The following PDE10A variants were observed in gnomAD, a reference collection of about 807,000 sequenced individuals.
The protein encoded by PDE10A is phosphodiesterase 10A.
A neutral mutation model predicts 97.7 loss-of-function variants in PDE10A; 39 were observed. The observed-to-expected ratio is 0.40, with a 90% confidence interval of 0.31 to 0.52. PDE10A has a LOEUF of 0.52. Among genes scored for constraint, PDE10A ranks in the 20% least tolerant of loss-of-function variants. The pLI, the probability that PDE10A is intolerant of heterozygous loss-of-function variation, is 0.56. For missense variants in PDE10A, 731 were observed against 1,047.8 expected (o/e 0.70, Z 4.17); for synonymous variants, 371 against 376.8 (o/e 0.98, Z 0.18).
At chr6:165,532,832 G>A (rs115600405) in intron 2 of PDE10A, among the ~76,000 whole-genome samples, 2,428 of 152,200 alleles carry the variant, frequency 0.016, 59 homozygotes, top group South Asian at 0.097. Context: ...TCACAGTCTT[G>A]TCTTTATAAA....
At chr6:165,794,521 C>T (rs900639456) in intron 1 of PDE10A, among the ~76,000 whole-genome samples, 6 of 151,848 alleles carry the variant, frequency 4.0e-5, no homozygotes, top group Admixed American at 6.6e-5. Flanking sequence ...CTCATACACT[C>T]GCACACCCTC....
intron 1 of PDE10A, among the ~76,000 whole-genome samples, chr6:165,966,050 C>A (rs746679009): frequency 1.3e-5 from 2 of 152,246 alleles, no homozygotes; most frequent in East Asian, 1.9e-4. Context: ...CCACACACAT[C>A]TTCCTTCAGA....
chr6:165,560,245 G>T (rs934739584), intron 1 of PDE10A, among the ~76,000 whole-genome samples: 1 of 152,184 alleles, frequency 6.6e-6, no homozygotes, highest in Non-Finnish European at 1.5e-5. Flanking sequence ...CTCATTGCTG[G>T]CTTGAAGATG....
intron 5 of PDE10A, among the ~76,000 whole-genome samples, chr6:165,446,642 G>A (rs1790868539): frequency 6.6e-6 from 1 of 152,174 alleles, no homozygotes; most frequent in South Asian, 2.1e-4. Flanking sequence ...AGATAAACAT[G>A]TAATCACAGA....
intron 1 of PDE10A, among the ~76,000 whole-genome samples, chr6:165,765,486 C>T (rs1047627054): frequency 6.6e-6 from 1 of 152,238 alleles, no homozygotes; most frequent in Non-Finnish European, 1.5e-5. Flanking sequence ...TGGGCTGGCA[C>T]TGCTGGGGGA....
At chr6:165,531,312 G>A (rs775652739) in intron 2 of PDE10A, among the ~76,000 whole-genome samples, 6 of 150,832 alleles carry the variant, frequency 4.0e-5, no homozygotes, top group East Asian at 1.9e-4. Flanking sequence ...CTTAGCAAGC[G>A]TTACGCACAT....
intron 3 of PDE10A, among the ~76,000 whole-genome samples, chr6:165,458,256 G>A (rs1486004463): frequency 6.6e-6 from 1 of 152,154 alleles, no homozygotes; most frequent in Non-Finnish European, 1.5e-5. Context: ...GCTATAGACT[G>A]TATCTCTGTC....
chr6:165,490,839 C>T (rs999710167), intron 2 of PDE10A, among the ~76,000 whole-genome samples: 9 of 152,152 alleles, frequency 5.9e-5, no homozygotes, highest in South Asian at 2.1e-4. Context: ...CCTGTAATCT[C>T]AGCTACTCGA....
At chr6:165,446,631 C>G (rs1173072145) in intron 5 of PDE10A, among the ~76,000 whole-genome samples, 1 of 152,128 alleles carries the variant, frequency 6.6e-6, no homozygotes, top group Admixed American at 6.5e-5. Flanking sequence ...ACTCAAATCA[C>G]AGATAAACAT....
chr6:165,467,099 T>C (rs977843926), intron 3 of PDE10A, among the ~76,000 whole-genome samples: 1 of 152,178 alleles, frequency 6.6e-6, no homozygotes, highest in South Asian at 2.1e-4. Context: ...TCCAGAGCCC[T>C]AGCTCCCTTC....
rs574883410 is a variant in PDE10A at position 165,831,823 on chromosome 6, C to T, written c.-615+155706G>A. On this transcript the variant is annotated intron_variant, in intron 1 of 19. Coordinates refer to the PDE10A transcript ENST00000366882. ...CCTTAGTAAAAGACTCCACTCTCCC[C>T]CCTGCCTTTTTAATACTGTTTTCTT... Among the ~76,000 whole-genome samples the T allele has an allele frequency of 1.7e-3, 255 of 152,222 alleles. 1 individual carries two copies. Among genetic ancestry groups the T allele is most frequent in the Middle Eastern group, 3.4e-3 (1 of 294 alleles).
chr6:165,354,405 T>C (rs1387328696), intron 18 of PDE10A, among the ~76,000 whole-genome samples: 2 of 152,210 alleles, frequency 1.3e-5, no homozygotes, highest in African/African-American at 4.8e-5. Context: ...GCTAAGAGCA[T>C]ACTTAATCTT....
At chr6:165,441,750 C>T (rs965589528) in intron 5 of PDE10A, among the ~76,000 whole-genome samples, 2 of 152,136 alleles carry the variant, frequency 1.3e-5, no homozygotes, top group African/African-American at 4.8e-5. Flanking sequence ...TCACTGTCTC[C>T]CCGGGTTTAA....
At chr6:165,876,268 T>C (rs1436681796) in intron 1 of PDE10A, among the ~76,000 whole-genome samples, 1 of 152,114 alleles carries the variant, frequency 6.6e-6, no homozygotes, top group Admixed American at 6.5e-5. Flanking sequence ...AACCAGCCTG[T>C]GGTAAACTCA....
rs140477403 is a variant in PDE10A at position 165,427,839 on chromosome 6, C to T, written c.1653+819G>A. On this transcript the variant is annotated intron_variant, in intron 10 of 21. Coordinates refer to ENST00000539869, the MANE Select transcript of PDE10A (RefSeq NM_001385079.1). ...TAACAAGAGAAGTTATTTTAATGTA[C>T]AATTATTTTATTTTTGTCTAGATAA... is the stretch of plus-strand genomic sequence containing the variant. Among the ~76,000 whole-genome samples, 1,052 of 152,040 alleles carry T rather than the reference C, an allele frequency of 6.9e-3. 9 individuals are homozygous for T. The highest frequency in any genetic ancestry group is 0.024 in the African/African-American group (994 of 41,484).
At chr6:165,483,664 G>T (rs1357322650) in intron 2 of PDE10A, among the ~76,000 whole-genome samples, 1 of 152,156 alleles carries the variant, frequency 6.6e-6, no homozygotes, top group Non-Finnish European at 1.5e-5. Context: ...GTTTGAAAAA[G>T]TCAAACAATT....
chr6:165,754,704 T>C (rs1236249237), intron 1 of PDE10A, among the ~76,000 whole-genome samples: 1 of 152,144 alleles, frequency 6.6e-6, no homozygotes, highest in Non-Finnish European at 1.5e-5. Flanking sequence ...CGTGTGAATT[T>C]GGGAAAGTCA....
At chr6:165,354,660 G>C (rs555051185) in intron 18 of PDE10A, among the ~76,000 whole-genome samples, 36 of 152,284 alleles carry the variant, frequency 2.4e-4, no homozygotes, top group Admixed American at 2.2e-3. Flanking sequence ...GTGCCACCTA[G>C]GGAACATGGG....
rs115363164 is a variant in PDE10A at position 165,422,217 on chromosome 6, G to A, written c.1654-3440C>T. Among the ~76,000 whole-genome samples the A allele has an allele frequency of 3.7e-3, 559 of 152,140 alleles. 3 individuals carry two copies. Among genetic ancestry groups the A allele is most frequent in the African/African-American group, 0.013 (538 of 41,506 alleles). The stretch of plus-strand genomic sequence containing the variant: ...CTAAAATTTTGGTAATATTTATAAA[G>A]TCCAAACATCAGGTCAATCTAAAAG... On this transcript the variant is annotated intron_variant, in intron 10 of 21. Coordinates refer to ENST00000539869, the MANE Select transcript of PDE10A (RefSeq NM_001385079.1).
Sources: allele counts gnomAD v4.1 joint callset (sites outside exome capture counted in the v4.1 genomes callset), GRCh38; gene constraint gnomAD v4.1.1; transcripts MANE v1.5; gene names NCBI Gene and HGNC (gene_info 2026-07-23, HGNC 2026-07-21).